RARB: variants seen among roughly 807,000 people sequenced by gnomAD.
RARB encodes the protein HBV-activated protein.
RARB carries 17 observed loss-of-function variants against 51.9 expected under a neutral mutation model. The observed-to-expected ratio is 0.33, with a 90% CI of 0.22 to 0.49. The LOEUF is 0.49. RARB is among the 20% of genes least tolerant of loss of function. RARB has a pLI of 0.99. For missense variants in RARB, 369 were observed against 550.8 expected (o/e 0.67, Z 3.30); for synonymous variants, 215 against 195.4 (o/e 1.10, Z -0.84).
In RARB at chr3:24,848,678, G is replaced by A. The variant is rs189701842; in HGVS notation, c.-458-9996G>A. ...ATGCTTCTGCTTTTCAGCATAATGA[G>A]TTTTGCTTTATCCATAGCCCCTTTT... On this transcript the variant is annotated intron_variant, in intron 1 of 11. Coordinates refer to the RARB transcript ENST00000383772. 9.0e-4 allele frequency among the ~76,000 whole-genome samples: 137 copies of A among 152,314 alleles called. 2 individuals carry two copies. The highest frequency in any genetic ancestry group is 4.4e-3 in the Admixed American group (67 of 15,292).
At chr3:25,467,734 C>T (rs1695500298) in intron 2 of RARB, among the ~76,000 whole-genome samples, 1 of 152,228 alleles carries the variant, frequency 6.6e-6, no homozygotes, top group South Asian at 2.1e-4. Context: ...ATACCGTCTT[C>T]TATTATTCCC....
At chr3:25,411,707 T>G (rs1194463197) in intron 5 of RARB, among the ~76,000 whole-genome samples, 1 of 152,258 alleles carries the variant, frequency 6.6e-6, no homozygotes, top group African/African-American at 2.4e-5. Context: ...CCAAAGAACC[T>G]GCCCTTGATG....
Position 25,442,116 on chromosome 3 carries a change from T to TTTA in RARB, c.157+13230_157+13231insATT, listed in dbSNP as rs1708716610. Reference sequence around the variant, plus strand: ...AAGTGACTTTTTAATTTTATTTTATTTTTATTTATTTATTTATTTATTTAT... The same window carrying TTTA: ...AAGTGACTTTTTAATTTTATTTTATTTTATTTATTTATTTATTTATTTATTTAT... On this transcript the variant is annotated intron_variant, in intron 1 of 7. Coordinates refer to ENST00000330688, the MANE Select transcript of RARB (RefSeq NM_000965.5). 8.5e-3 allele frequency among the ~76,000 whole-genome samples: 1,260 copies of TTTA among 147,828 alleles called. 9 individuals carry two copies. Among genetic ancestry groups the TTTA allele is most frequent in the Non-Finnish European group, 0.013 (879 of 67,108 alleles).
intron 5 of RARB, among the ~76,000 whole-genome samples, chr3:25,399,906 G>T (rs894841759): frequency 1.3e-5 from 2 of 152,190 alleles, no homozygotes; most frequent in Non-Finnish European, 2.9e-5. Flanking sequence ...TTCTAGAGAA[G>T]TGAGCCTTAT....
chr3:25,039,380 A>G (rs1399867011), intron 2 of RARB, among the ~76,000 whole-genome samples: 1 of 152,188 alleles, frequency 6.6e-6, no homozygotes, highest in East Asian at 1.9e-4. Flanking sequence ...ATGGTGAAAA[A>G]TGTTGTTCTG....
intron 1 of RARB, among the ~76,000 whole-genome samples, chr3:24,856,829 C>G (rs1315802142): frequency 2.0e-5 from 3 of 152,160 alleles, no homozygotes; most frequent in Admixed American, 6.5e-5. Flanking sequence ...CTTAAGGAGT[C>G]TGTATCTCGA....
At chr3:25,445,533 G>A (rs1708891037) in intron 1 of RARB, among the ~76,000 whole-genome samples, 1 of 152,048 alleles carries the variant, frequency 6.6e-6, no homozygotes, top group Non-Finnish European at 1.5e-5. Flanking sequence ...TGGCATGGTG[G>A]GGGCACGCCT....
intron 5 of RARB, among the ~76,000 whole-genome samples, chr3:25,365,420 C>T (rs945559972): frequency 2.6e-5 from 4 of 151,770 alleles, no homozygotes; most frequent in African/African-American, 7.3e-5. Context: ...CTCATCCATG[C>T]TTTCTACTCT....
At chr3:25,546,060 G>C (rs985725350) in intron 3 of RARB, among the ~76,000 whole-genome samples, 2 of 151,848 alleles carry the variant, frequency 1.3e-5, no homozygotes, top group Admixed American at 1.3e-4. Flanking sequence ...AGGGGAGAGA[G>C]GGCACCCAGG....
intron 5 of RARB, among the ~76,000 whole-genome samples, chr3:25,358,478 C>G (rs1705821605): frequency 1.3e-5 from 2 of 152,188 alleles, no homozygotes; most frequent in Non-Finnish European, 2.9e-5. Context: ...TTATTTCTTT[C>G]TCTTGCCTGA....
chr3:25,532,468 A>G (rs1698967521), intron 3 of RARB, among the ~76,000 whole-genome samples: 1 of 152,230 alleles, frequency 6.6e-6, no homozygotes, highest in Non-Finnish European at 1.5e-5. Context: ...TTTAAAAGAT[A>G]TGTCTCCTAT....
At chr3:25,481,013 T>G (rs1490302757) in intron 2 of RARB, among the ~76,000 whole-genome samples, 1 of 152,126 alleles carries the variant, frequency 6.6e-6, no homozygotes, top group Non-Finnish European at 1.5e-5. Context: ...GAACCACATT[T>G]TGAGAGCCAC....
intron 2 of RARB, among the ~76,000 whole-genome samples, chr3:25,030,658 GT>G (rs983474894): frequency 3.3e-5 from 5 of 152,168 alleles, no homozygotes; most frequent in African/African-American, 1.2e-4. Context: ...AGAATACTCA[GT>G]TTTGTCATAC....
At chr3:24,862,314 T>C (rs1476065475) in intron 2 of RARB, among the ~76,000 whole-genome samples, 1 of 152,184 alleles carries the variant, frequency 6.6e-6, no homozygotes, top group South Asian at 2.1e-4. Context: ...AGGTAGCGAA[T>C]TATATGATTT....
intron 2 of RARB, among the ~76,000 whole-genome samples, chr3:24,933,784 C>T (rs1445216902): frequency 6.6e-6 from 1 of 151,934 alleles, no homozygotes; most frequent in African/African-American, 2.4e-5. Flanking sequence ...ATCACTTTTC[C>T]CATAATCTTT....
intron 1 of RARB, among the ~76,000 whole-genome samples, chr3:25,429,650 T>C (rs1052911723): frequency 3.3e-5 from 5 of 152,158 alleles, no homozygotes; most frequent in Non-Finnish European, 7.4e-5. Context: ...GAAATATAAG[T>C]GGGGTAGCCC....
intron 5 of RARB, among the ~76,000 whole-genome samples, chr3:25,343,832 C>T (rs1042028610): frequency 2.0e-5 from 3 of 152,006 alleles, no homozygotes; most frequent in Admixed American, 6.6e-5. Context: ...CTGCTGTTTT[C>T]GATCGTAAGT....
chr3:25,267,000 C>T (rs1703142072), intron 5 of RARB, among the ~76,000 whole-genome samples: 1 of 152,198 alleles, frequency 6.6e-6, no homozygotes, highest in African/African-American at 2.4e-5. Context: ...ACTGAGCAAC[C>T]ACAAAGCTGC....
intron 2 of RARB, among the ~76,000 whole-genome samples, chr3:25,045,820 A>T (rs1353193249): frequency 4.6e-5 from 7 of 152,242 alleles, no homozygotes; most frequent in African/African-American, 1.7e-4. Flanking sequence ...TTCCAAAATA[A>T]AATTTAATGT....
Sources: allele counts gnomAD v4.1 joint callset (sites outside exome capture counted in the v4.1 genomes callset), GRCh38; gene constraint gnomAD v4.1.1; transcripts MANE v1.5; gene names NCBI Gene and HGNC (gene_info 2026-07-23, HGNC 2026-07-21).